The following SCN2A variants were observed in gnomAD, a reference collection of about 807,000 sequenced individuals.
SCN2A encodes sodium channel protein type 2 subunit alpha.
SCN2A carries 20 observed loss-of-function variants against 188.7 expected under a neutral mutation model. That is an observed-to-expected ratio of 0.11 (90% CI 0.07 to 0.15). The LOEUF (loss-of-function observed/expected upper bound fraction) is 0.15, where lower values mean the gene tolerates loss of function less well. Among genes scored for constraint, SCN2A ranks in the 10% least tolerant of loss-of-function variants. The pLI, the probability that SCN2A is intolerant of heterozygous loss-of-function variation, is 1.00. For synonymous variants in SCN2A, 804 were observed against 833.1 expected, an observed-to-expected ratio of 0.97 and a Z score of 0.60; for missense variants, 1,278 against 2,445.0, an observed-to-expected ratio of 0.52 and a Z score of 10.07.
In SCN2A at chr2:165,341,089, T is replaced by TTTTG. The variant is rs543387525; in HGVS notation, c.2389-1191_2389-1188dup. Among the ~76,000 whole-genome samples, 1,398 of 152,026 alleles carry TTTTG rather than the reference T, an allele frequency of 9.2e-3. 19 individuals carry two copies. The highest frequency in any genetic ancestry group is 0.03 in the African/African-American group (1,254 of 41,454). ...TTATGACAGTGGTGATATATATATTTTTTGTTTGTTTGTTTGTTTTTTGAG... is the reference window on the plus strand; with the variant it reads ...TTATGACAGTGGTGATATATATATTTTTTGTTTGTTTGTTTGTTTGTTTTTTGAG... On this transcript the variant is annotated intron_variant, in intron 14 of 26. Coordinates refer to ENST00000375437, the MANE Select transcript of SCN2A (RefSeq NM_001040142.2).
intron 1 of SCN2A, among the ~76,000 whole-genome samples, chr2:165,295,378 C>A (rs1696452725): frequency 6.6e-6 from 1 of 152,214 alleles, no homozygotes; most frequent in African/African-American, 2.4e-5. Context: ...GATGTTTCAT[C>A]TCTTGTTTTG....
At chr2:165,355,708 T>C (rs889923268) in intron 17 of SCN2A, among the ~76,000 whole-genome samples, 1 of 152,056 alleles carries the variant, frequency 6.6e-6, no homozygotes, top group African/African-American at 2.4e-5. Flanking sequence ...AACATGATCA[T>C]GATAATTAAC....
intron 17 of SCN2A, 27 bp from the exon 18 acceptor site, chr2:165,365,114 ATG>A (rs1559391195): frequency 6.2e-7 from 1 of 1,601,672 alleles, no homozygotes. Context: ...AAATAATTAA[ATG>A]TGTTTTTTTG....
rs754486428 is a variant in SCN2A, at chr2:165,331,553, G to C, written c.2373G>C (p.Leu791=). The change falls in exon 14 of 27, where the codon CTG becomes CTC. Residue 791 remains leucine, a synonymous_variant. Coordinates refer to ENST00000375437, the MANE Select transcript of SCN2A (RefSeq NM_001040142.2). ...TGACGGAGCAGTTCAGCAGTGTACT[G>C]TCTGTTGGAAACCTGGTAAGCCTCA... ...YPMTEQFSSV[L]SVGNLVFTGI... 1 of 1,613,068 alleles carries C rather than the reference G, an allele frequency of 6.2e-7. No individual in the cohort carries two copies. Among genetic ancestry groups the C allele is most frequent in the Non-Finnish European group, 8.5e-7 (1 of 1,179,208 alleles).
chr2:165,308,626 C>A, intron 4 of SCN2A, 40 bp from the exon 5 acceptor site: 1 of 1,599,270 alleles, frequency 6.3e-7, no homozygotes, highest in East Asian at 2.3e-5. Context: ...TGTAAATTAA[C>A]CACTAGATTT....
intron 1 of SCN2A, among the ~76,000 whole-genome samples, chr2:165,261,837 G>T (rs1694608757): frequency 6.6e-6 from 1 of 152,148 alleles, no homozygotes; most frequent in African/African-American, 2.4e-5. Context: ...TTGCAATAAA[G>T]AGTATAATTT....
chr2:165,362,320 A>T (rs1700501378), intron 17 of SCN2A, among the ~76,000 whole-genome samples: 1 of 152,192 alleles, frequency 6.6e-6, no homozygotes, highest in South Asian at 2.1e-4. Context: ...GAGCAATGTT[A>T]ATTCTTCTAC....
intron 1 of SCN2A, among the ~76,000 whole-genome samples, chr2:165,246,972 A>G (rs192330284): frequency 5.9e-5 from 9 of 152,290 alleles, no homozygotes; most frequent in African/African-American, 2.2e-4. Context: ...AATCAGTGAG[A>G]AAATTGAAAC....
At chr2:165,361,373 A>G (rs1244752468) in intron 17 of SCN2A, among the ~76,000 whole-genome samples, 1 of 152,066 alleles carries the variant, frequency 6.6e-6, no homozygotes, top group East Asian at 1.9e-4. Flanking sequence ...AACCTACAAT[A>G]TTTGATTACA....
intron 16 of SCN2A, among the ~76,000 whole-genome samples, chr2:165,347,203 C>A (rs887415680): frequency 2.6e-5 from 4 of 152,116 alleles, no homozygotes; most frequent in Non-Finnish European, 5.9e-5. Flanking sequence ...AAATGCCCAT[C>A]AATGATAGAC....
chr2:165,271,633 G>A (rs1327247791), intron 1 of SCN2A: 1 of 152,084 alleles, frequency 6.6e-6, no homozygotes, highest in Non-Finnish European at 1.5e-5. Flanking sequence ...ATTACTTTGA[G>A]TTTTGACAAA....
At chr2:165,274,538 C>G (rs1019742952) in intron 1 of SCN2A, among the ~76,000 whole-genome samples, 2 of 152,172 alleles carry the variant, frequency 1.3e-5, no homozygotes, top group Non-Finnish European at 2.9e-5. Flanking sequence ...TACCAAAACA[C>G]TTTTCACACA....
intron 17 of SCN2A, among the ~76,000 whole-genome samples, chr2:165,363,364 T>G (rs888452335): frequency 6.6e-6 from 1 of 152,180 alleles, no homozygotes; most frequent in Admixed American, 6.6e-5. Flanking sequence ...TGAACCTTAT[T>G]CTTATAAGGA....
intron 20 of SCN2A, chr2:165,371,770 T>C (rs1377173869): frequency 2.6e-5 from 4 of 152,120 alleles, no homozygotes; most frequent in African/African-American, 9.7e-5. Flanking sequence ...AAGAATTACA[T>C]ATAGGGAAGT....
chr2:165,323,086 T>C (rs1698156442), intron 11 of SCN2A, 70 bp from the exon 12 acceptor site: 2 of 1,402,332 alleles, frequency 1.4e-6, no homozygotes, highest in African/African-American at 1.4e-5. Context: ...ATGAATCAAA[T>C]TCTGTTTTTC....
At chr2:165,250,123 A>T (rs182862421) in intron 1 of SCN2A, among the ~76,000 whole-genome samples, 1 of 151,986 alleles carries the variant, frequency 6.6e-6, no homozygotes, top group Non-Finnish European at 1.5e-5. Flanking sequence ...GTCATATTTA[A>T]TTGTGTACTA....
rs1384876495 is a variant in SCN2A at position 165,342,307 on chromosome 2, G to A, written c.2400G>A (p.Gly800=). The A allele has an allele frequency of 6.2e-7, 1 of 1,613,586 alleles. No homozygotes were observed. The highest frequency in any genetic ancestry group is 8.5e-7 in the Non-Finnish European group (1 of 1,179,778). The part of the protein sequence containing the change: ...VLSVGNLVFT[G]IFTAEMFLKI... The stretch of plus-strand genomic sequence containing the variant: ...CACTTCTCATTTAGGTCTTCACAGG[G>A]ATCTTCACAGCAGAAATGTTTCTCA... Residue 800 remains glycine, a synonymous_variant, in exon 15 of 27, where the codon GGG becomes GGA. Coordinates refer to ENST00000375437, the MANE Select transcript of SCN2A (RefSeq NM_001040142.2).
chr2:165,387,694 C>G (rs1005847121), intron 26 of SCN2A, among the ~76,000 whole-genome samples: 5 of 151,826 alleles, frequency 3.3e-5, no homozygotes, highest in African/African-American at 1.2e-4. Context: ...AAATGAGGTA[C>G]TGGAAGTAAA....
At chr2:165,386,706 T>A in intron 25 of SCN2A, 40 bp from the exon 26 acceptor site, 1 of 1,588,248 alleles carries the variant, frequency 6.3e-7, no homozygotes, top group Middle Eastern at 1.7e-4. Flanking sequence ...CGATTTTTTT[T>A]AAGGTTTCTA....
Sources: allele counts gnomAD v4.1 joint callset (sites outside exome capture counted in the v4.1 genomes callset), GRCh38; gene constraint gnomAD v4.1.1; transcripts MANE v1.5; gene names NCBI Gene and HGNC (gene_info 2026-07-23, HGNC 2026-07-21).